The following CTU2 variants were observed in gnomAD, a reference collection of about 807,000 sequenced individuals.
CTU2 encodes the protein cytosolic thiouridylase subunit 2, also known as cytoplasmic tRNA 2-thiolation protein 2.
In CTU2, 80 loss-of-function variants were observed where a neutral mutation model predicts 64.1. The ratio of observed to expected loss-of-function variants is 1.25; its 90% CI spans 1.04 to 1.50. CTU2 has a LOEUF of 1.50. Ranked by LOEUF, CTU2 falls within the 40% of genes most tolerant of loss-of-function variation. The probability of loss-of-function intolerance (pLI) is 0.00; values close to 1 mark genes in which losing one functional copy is unlikely to be tolerated. For missense variants in CTU2, 1,110 were observed against 690.2 expected (o/e 1.61, Z -6.81); for synonymous variants, 482 against 285.3 (o/e 1.69, Z -6.95).
chr16:88,710,648 A>T (rs1911249352), intron 4 of CTU2: 1 of 245,766 alleles, frequency 4.1e-6, no homozygotes, highest in Admixed American at 5.3e-5. Flanking sequence ...AGGTGCACCA[A>T]TCAGAAGCTG....
chr16:88,711,802 G>C, intron 5 of CTU2, 107 bp downstream of exon 5: 1 of 1,099,864 alleles, frequency 9.1e-7, no homozygotes, highest in South Asian at 1.5e-5. Flanking sequence ...CCCTCTGGTA[G>C]GATGTGTTGA....
At position 88,710,010 on chromosome 16, in the gene CTU2, C is replaced by G. The variant is rs764833613; in HGVS notation, c.216C>G (p.Gly72=). The change falls in exon 3 of 15, where the codon GGC becomes GGG. Residue 72 remains glycine (G), a synonymous_variant. Coordinates refer to ENST00000453996, the MANE Select transcript of CTU2 (RefSeq NM_001012759.3). ...MLGKNRLIFP[G]EKVLLAWSGG... is the part of the protein sequence containing the mutation. Reference sequence around the variant, plus strand: ...GCAAGAACCGGCTCATCTTTCCAGGCGAGAAGGTAGCGTCTGGGTCCTGGG... The same window carrying G: ...GCAAGAACCGGCTCATCTTTCCAGGGGAGAAGGTAGCGTCTGGGTCCTGGG... 1.9e-6 allele frequency: 3 copies of G among 1,613,736 alleles called. No individual in the cohort carries two copies. The highest frequency in any genetic ancestry group is 2.2e-5 in the South Asian group (2 of 91,094).
Position 88,715,302 on chromosome 16 carries a change from A to T in CTU2, c.*51A>T. The stretch of plus-strand genomic sequence containing the variant: ...GCAGGCAGTGGCCACCTGGTACACC[A>T]CACTGGAGCCGGAAGGCAAGGACGG... On this transcript the variant is annotated 3_prime_UTR_variant, in exon 15 of 15. Transcript: ENST00000453996. The T allele has an allele frequency of 6.3e-7, 1 of 1,582,324 alleles. No homozygotes were observed.
intron 5 of CTU2, 91 bp from the exon 6 acceptor site, chr16:88,712,183 C>T: frequency 8.9e-7 from 1 of 1,124,582 alleles, no homozygotes; most frequent in Non-Finnish European, 1.3e-6. Flanking sequence ...GGAGCGAGGC[C>T]TCGAAGGGTT....
chr16:88,714,672 C>T lies in CTU2; in HGVS notation c.1287C>T (p.Pro429=), dbSNP rs1384848574. The T allele has an allele frequency of 2.5e-6, 4 of 1,612,422 alleles. No homozygotes were observed. In the South Asian group the frequency reaches 3.3e-5, roughly 13 times the overall value. ...TCCCCCTGACTGAGACCCGGACACC[C>T]CCGGGGCCCTGCTGTTCTCCAGGGG... ...SPIPLTETRT[P]PGPCCSPGVG... is the part of the protein sequence containing the mutation. The change falls in exon 12 of 15, where the codon CCC becomes CCT. Residue 429 remains proline (P), a synonymous_variant. Transcript: ENST00000453996.
Position 88,715,184 on chromosome 16 carries a change from C to T in CTU2, c.1481C>T (p.Ala494Val), listed in dbSNP as rs373113759. Reference sequence around the variant, plus strand: ...GCCCACTGCAGCTTTCTCTCTAGGGCCTGGGGCTTGCAGGAGATCCGGGAC... The same window carrying T: ...GCCCACTGCAGCTTTCTCTCTAGGGTCTGGGGCTTGCAGGAGATCCGGGAC... ...LAEAQLRTQR[A>V]WGLQEIRDCL... The change falls in exon 15 of 15, where the codon GCC becomes GTC. Residue 494 changes from alanine to valine, a missense_variant and splice_region_variant. Ala to Val is a moderately conservative substitution (Grantham distance 64). Coordinates refer to ENST00000453996, the MANE Select transcript of CTU2 (RefSeq NM_001012759.3). 1.9e-6 allele frequency: 3 copies of T among 1,612,134 alleles called. No homozygotes were observed. Among genetic ancestry groups the T allele is most frequent in the Non-Finnish European group, 2.5e-6 (3 of 1,179,762 alleles).
chr16:88,714,277 C>T (rs7191439), intron 10 of CTU2, 50 bp downstream of exon 10: 1,217,430 of 1,523,248 alleles, frequency 0.8, 465,929 homozygotes, highest in Middle Eastern at 0.92. Context: ...GTGTGCTGTG[C>T]GCGGGTGTGT....
intron 10 of CTU2, 71 bp from the exon 11 acceptor site, chr16:88,714,312 G>A (rs910169942): frequency 1.2e-4 from 188 of 1,600,684 alleles, no homozygotes; most frequent in Middle Eastern, 1.7e-4. Flanking sequence ...CACCACTCGT[G>A]CTCAGGCCAG....
At chr16:88,713,485 A>C in intron 8 of CTU2, 38 bp downstream of exon 8, 4 of 1,555,754 alleles carry the variant, frequency 2.6e-6, no homozygotes, top group Non-Finnish European at 3.5e-6. Context: ...GCCCATCCTC[A>C]CCTTCACCCC....
intron 6 of CTU2, 73 bp from the exon 7 acceptor site, chr16:88,712,549 G>A (rs1433711703): frequency 2.0e-5 from 31 of 1,554,318 alleles, no homozygotes; most frequent in East Asian, 9.1e-5. Context: ...CCCGCATCCC[G>A]GAAGGTGGGG....
At chr16:88,707,085 G>C in intron 1 of CTU2, 51 bp from the exon 2 acceptor site, 1 of 1,585,084 alleles carries the variant, frequency 6.3e-7, no homozygotes, top group Non-Finnish European at 8.7e-7. Context: ...CACTAGGCGT[G>C]GGGAAGATGT....
Position 88,710,011 on chromosome 16 carries a change from G to A in CTU2, c.217G>A (p.Glu73Lys), listed in dbSNP as rs374826247. The change falls in exon 3 of 15, where the codon GAG becomes AAG. Residue 73 changes from glutamate to lysine, a missense_variant. Physicochemically the swap from Glu to Lys is moderately conservative, Grantham distance 56 (BLOSUM62 1). Transcript: ENST00000453996. Reference sequence around the variant, plus strand: ...CAAGAACCGGCTCATCTTTCCAGGCGAGAAGGTAGCGTCTGGGTCCTGGGG... The same window carrying A: ...CAAGAACCGGCTCATCTTTCCAGGCAAGAAGGTAGCGTCTGGGTCCTGGGG... ...LGKNRLIFPGEKVLLAWSGGP... is the reference protein window; with the variant it reads ...LGKNRLIFPGKKVLLAWSGGP... 17 of 1,613,764 alleles carry A rather than the reference G, an allele frequency of 1.1e-5. No homozygotes were observed. In the Admixed American group the frequency reaches 1.5e-4, roughly 14 times the overall value.
At chr16:88,711,110 G>A (rs545673128) in intron 4 of CTU2, among the ~76,000 whole-genome samples, 11 of 152,202 alleles carry the variant, frequency 7.2e-5, no homozygotes, top group East Asian at 1.9e-4. Context: ...CAGGATGGGC[G>A]CATGGCACAA....
chr16:88,713,625 A>C (rs1477291294), intron 8 of CTU2, 22 bp from the exon 9 acceptor site: 1 of 1,608,630 alleles, frequency 6.2e-7, no homozygotes, highest in African/African-American at 1.3e-5. Flanking sequence ...GACCTGGACC[A>C]CACAGCCCCT....
chr16:88,710,256 A>G lies in CTU2; in HGVS notation c.256A>G (p.Ser86Gly). Residue 86 changes from serine (S) to glycine (G), a missense_variant, in exon 4 of 15, where the codon AGC (serine) becomes GGC (glycine). Ser to Gly is a moderately conservative substitution (Grantham distance 56). Coordinates refer to ENST00000453996, the MANE Select transcript of CTU2 (RefSeq NM_001012759.3). ...LLAWSGGPSS[S>G]SMVWQVLEGL... ...GGCGTGGTCTGGGGGGCCTTCGTCC[A>G]GCTCCATGGTCTGGCAGGTTCTTGA... The G allele has an allele frequency of 1.9e-6, 3 of 1,613,996 alleles. No individual in the cohort carries two copies. Among genetic ancestry groups the G allele is most frequent in the East Asian group, 2.2e-5 (1 of 44,880 alleles).
At chr16:88,707,698 A>AT (rs1910989605) in intron 2 of CTU2, among the ~76,000 whole-genome samples, 2 of 152,020 alleles carry the variant, frequency 1.3e-5, no homozygotes, top group African/African-American at 4.8e-5. Context: ...TAGCCATTGT[A>AT]TTGTTCAGTT....
intron 2 of CTU2, 166 bp from the exon 3 acceptor site, chr16:88,709,772 G>A: frequency 1.5e-6 from 1 of 657,390 alleles, no homozygotes; most frequent in South Asian, 1.8e-5. Context: ...CACTGCCAGA[G>A]GGGCCAACCC....
At chr16:88,707,245 A>G (rs1371919934) in intron 2 of CTU2, 35 bp downstream of exon 2, 1 of 1,595,234 alleles carries the variant, frequency 6.3e-7, no homozygotes, top group Admixed American at 1.7e-5. Flanking sequence ...CCTGGCAAAC[A>G]TGGCCTCGCT....
At chr16:88,712,492 G>GT in intron 6 of CTU2, 109 bp downstream of exon 6, 1 of 1,452,392 alleles carries the variant, frequency 6.9e-7, no homozygotes, top group Non-Finnish European at 9.3e-7. Context: ...GGGGCTGTCG[G>GT]TGGGGGGTGG....
Sources: allele counts gnomAD v4.1 joint callset (sites outside exome capture counted in the v4.1 genomes callset), GRCh38; gene constraint gnomAD v4.1.1; transcripts MANE v1.5; gene names NCBI Gene and HGNC (gene_info 2026-07-23, HGNC 2026-07-21).